The following RREB1 variants were observed in gnomAD, a reference collection of about 807,000 sequenced individuals.
RREB1 encodes ras responsive element binding protein 1.
In RREB1, 27 loss-of-function variants were observed where a neutral mutation model predicts 117.8. That is an observed-to-expected ratio of 0.23 (90% CI 0.17 to 0.32). The LOEUF is 0.32. RREB1 is among the 10% of genes least tolerant of loss of function. The pLI is 1.00. For missense variants in RREB1, 2,577 were observed against 2,378.2 expected (o/e 1.08, Z -1.74); for synonymous variants, 1,298 against 1,026.7 (o/e 1.26, Z -5.05).
chr6:7,179,168 T>G (rs762337267), intron 2 of RREB1, among the ~76,000 whole-genome samples: 29 of 152,358 alleles, frequency 1.9e-4, no homozygotes, highest in Middle Eastern at 3.4e-3. Flanking sequence ...TTTTATAACT[T>G]AAAATTTTAC....
Position 7,248,647 on chromosome 6 carries a change from TGAG to T in RREB1, c.4914_4916del (p.Glu1638del), listed in dbSNP as rs1201445056. On this transcript the variant is annotated inframe_deletion, in exon 13 of 13. Transcript: ENST00000379938. ...AGGACAGCGACAAGGAAGAGCGGGGTGAGGAGGACAGCGAGAATGAGTCCACCC... is the reference window on the plus strand; with the variant it reads ...AGGACAGCGACAAGGAAGAGCGGGGTGAGGACAGCGAGAATGAGTCCACCC... 4 of 1,613,796 alleles carry T rather than the reference TGAG, an allele frequency of 2.5e-6. No homozygotes were observed. The highest frequency in any genetic ancestry group is 2.2e-5 in the South Asian group (2 of 91,058).
chr6:7,234,207 G>A (rs549394649), intron 10 of RREB1, among the ~76,000 whole-genome samples: 21 of 152,324 alleles, frequency 1.4e-4, no homozygotes, highest in South Asian at 2.1e-4. Context: ...TCAAGAGAAG[G>A]TGCCCCTTAT....
At chr6:7,168,530 G>T (rs1051191406) in intron 1 of RREB1, among the ~76,000 whole-genome samples, 1 of 152,096 alleles carries the variant, frequency 6.6e-6, no homozygotes, top group Admixed American at 6.5e-5. Context: ...TGGGGACAGC[G>T]AGCTCATTAC....
intron 1 of RREB1, among the ~76,000 whole-genome samples, chr6:7,174,732 C>G (rs1764417260): frequency 6.6e-6 from 1 of 152,144 alleles, no homozygotes; most frequent in Non-Finnish European, 1.5e-5. Flanking sequence ...CCTCAGTCTC[C>G]CAGGTAGCTG....
At chr6:7,200,001 A>C (rs1301213245) in intron 6 of RREB1, among the ~76,000 whole-genome samples, 1 of 152,204 alleles carries the variant, frequency 6.6e-6, no homozygotes, top group African/African-American at 2.4e-5. Flanking sequence ...TTTATTCTTC[A>C]AATTAGATAA....
chr6:7,167,836 A>G (rs1157378596), intron 1 of RREB1, among the ~76,000 whole-genome samples: 1 of 151,940 alleles, frequency 6.6e-6, no homozygotes, highest in African/African-American at 2.4e-5. Flanking sequence ...TTTAACAAGC[A>G]CTCCTTTGAA....
rs984883579 is a variant in RREB1, at chr6:7,211,681, A to G, written c.679A>G (p.Met227Val). The change falls in exon 8 of 13, where the codon ATG becomes GTG. Residue 227 changes from methionine (M) to valine (V), a missense_variant. By Grantham distance (21) the Met-to-Val change is conservative. Coordinates refer to ENST00000379938, the MANE Select transcript of RREB1 (RefSeq NM_001003699.4). ...TTGCAAGTATGGACTGGAGACCCACATGGAGACCCATTCAGATAACCCACT... is the reference window on the plus strand; with the variant it reads ...TTGCAAGTATGGACTGGAGACCCACGTGGAGACCCATTCAGATAACCCACT... ...FVCKYGLETH[M>V]ETHSDNPLRC... 1.9e-6 allele frequency: 3 copies of G among 1,613,996 alleles called. No homozygotes were observed. Among genetic ancestry groups the G allele is most frequent in the African/African-American group, 1.3e-5 (1 of 74,932 alleles).
At chr6:7,239,799 A>G (rs916158336) in intron 10 of RREB1, among the ~76,000 whole-genome samples, 2 of 152,264 alleles carry the variant, frequency 1.3e-5, no homozygotes, top group African/African-American at 4.8e-5. Context: ...GTTGCCACCT[A>G]GGACCACAGT....
At chr6:7,198,550 G>A (rs992322568) in intron 6 of RREB1, among the ~76,000 whole-genome samples, 9 of 152,158 alleles carry the variant, frequency 5.9e-5, no homozygotes, top group African/African-American at 1.9e-4. Flanking sequence ...TGAGGGGTTC[G>A]TGTAAATGTG....
intron 8 of RREB1, among the ~76,000 whole-genome samples, chr6:7,223,501 C>T (rs1022737573): frequency 5.2e-5 from 7 of 135,724 alleles, no homozygotes; most frequent in African/African-American, 1.8e-4. Context: ...GCAGAGGTTG[C>T]GGTGAACCAA....
At position 7,232,004 on chromosome 6, in the gene RREB1, C is replaced by T. The variant is rs1581578785; in HGVS notation, c.3808+97C>T. On this transcript the variant is annotated intron_variant, in intron 10 of 12. Transcript: ENST00000379938. Reference sequence around the variant, plus strand: ...AAGCGAGACCCATCTCCCACAGTTCCAGTTATTCCTAGCTTGGCTTCTTCC... The same window carrying T: ...AAGCGAGACCCATCTCCCACAGTTCTAGTTATTCCTAGCTTGGCTTCTTCC... 3.9e-6 allele frequency: 5 copies of T among 1,276,558 alleles called. No individual in the cohort carries two copies. The East Asian group carries it at 1.2e-4, about 31-fold the overall frequency. The allele number at this position is 1,276,558 out of a possible 1,614,324, so 79.1% of individuals were successfully genotyped here.
intron 6 of RREB1, 53 bp from the exon 7 acceptor site, chr6:7,210,747 CATAA>C (rs1419067271): frequency 5.9e-5 from 89 of 1,502,176 alleles, no homozygotes; most frequent in Non-Finnish European, 7.4e-5. Context: ...ATATTAAAAA[CATAA>C]ATGAACTGAC....
chr6:7,226,158 C>G (rs1192514578), intron 8 of RREB1, among the ~76,000 whole-genome samples: 1 of 152,194 alleles, frequency 6.6e-6, no homozygotes, highest in Non-Finnish European at 1.5e-5. Context: ...GCGAGCAGGT[C>G]GGCCATGGTG....
At position 7,231,393 on chromosome 6, in the gene RREB1, C is replaced by T; in HGVS notation, c.3294C>T (p.Thr1098=). Residue 1098 remains threonine, a synonymous_variant, in exon 10 of 13, where the codon ACC becomes ACT. Coordinates refer to ENST00000379938, the MANE Select transcript of RREB1 (RefSeq NM_001003699.4). The part of the protein sequence containing the change: ...DPGPASTGSN[T]TASDSLGGSV... ...GGCCCGCAAGCACTGGCAGTAACAC[C>T]ACGGCTTCAGACAGCTTAGGAGGTT... 2 of 1,613,556 alleles carry T rather than the reference C, an allele frequency of 1.2e-6. No homozygotes were observed. The highest frequency in any genetic ancestry group is 1.7e-6 in the Non-Finnish European group (2 of 1,179,960).
intron 1 of RREB1, among the ~76,000 whole-genome samples, chr6:7,149,104 G>A (rs990922694): frequency 1.3e-5 from 2 of 152,104 alleles, no homozygotes; most frequent in African/African-American, 4.8e-5. Context: ...TGTATTTTTA[G>A]TAGAGTCGGG....
rs376403896 is a variant in RREB1, at chr6:7,229,236, C to T, written c.1137C>T (p.Pro379=). ...LQHTKDVRPA[P]AEEPLPDDNQ... ...ACACCAAAGACGTCAGGCCTGCCCC[C>T]GCCGAGGAGCCCCTGCCGGATGACA... is the stretch of plus-strand genomic sequence containing the variant. Residue 379 remains proline (P), a synonymous_variant, in exon 10 of 13, where the codon CCC becomes CCT. Transcript: ENST00000379938. This position sits in a 1 kb window ranked among gnomAD's most constrained non-coding sequence, Gnocchi z 4.5. 7.0e-5 allele frequency: 113 copies of T among 1,614,046 alleles called. No homozygotes were observed. Among genetic ancestry groups the T allele is most frequent in the Admixed American group, 3.2e-4 (19 of 60,026 alleles).
At chr6:7,202,151 T>C (rs1766021576) in intron 6 of RREB1, among the ~76,000 whole-genome samples, 1 of 152,190 alleles carries the variant, frequency 6.6e-6, no homozygotes, top group Non-Finnish European at 1.5e-5. Flanking sequence ...TGGGTGGCTT[T>C]CCTTTTTCAC....
chr6:7,211,797 C>A lies in RREB1; in HGVS notation c.707+88C>A, dbSNP rs949741580. ...TTAAGTCCCGTTACTCCACACCGGG[C>A]TCCAGTGATTGAACTTGGGCACAAC... is the stretch of plus-strand genomic sequence containing the variant. On this transcript the variant is annotated intron_variant, in intron 8 of 12. Coordinates refer to ENST00000379938, the MANE Select transcript of RREB1 (RefSeq NM_001003699.4). The A allele has an allele frequency of 3.3e-5, 45 of 1,373,446 alleles. 1 individual carries two copies. The Admixed American group carries it at 7.7e-4, about 23-fold the overall frequency. 85.1% of individuals were successfully genotyped at this position (1,373,446 alleles called of 1,614,324 possible). A position where few individuals can be genotyped will look rare whatever the true frequency, so the allele number is the denominator to read the frequency against.
chr6:7,174,091 C>A (rs1470645835), intron 1 of RREB1, among the ~76,000 whole-genome samples: 1 of 151,728 alleles, frequency 6.6e-6, no homozygotes, highest in African/African-American at 2.4e-5. Context: ...AACAACCAGA[C>A]CCAGGCTTTC....
Sources: allele counts gnomAD v4.1 joint callset (sites outside exome capture counted in the v4.1 genomes callset), GRCh38; gene constraint gnomAD v4.1.1; non-coding constraint Gnocchi (gnomAD v3.1); transcripts MANE v1.5; gene names NCBI Gene and HGNC (gene_info 2026-07-23, HGNC 2026-07-21).